The following SHH variants were observed in gnomAD, a reference collection of about 807,000 sequenced individuals.
SHH encodes sonic hedgehog signaling molecule.
SHH carries 3 observed loss-of-function variants against 16.6 expected under a neutral mutation model. That is an observed-to-expected ratio of 0.18 (90% CI 0.08 to 0.47). The LOEUF (loss-of-function observed/expected upper bound fraction) is 0.47, where lower values mean the gene tolerates loss of function less well. SHH is among the 20% of genes least tolerant of loss of function. The pLI is 0.98. For synonymous variants in SHH, 351 were observed against 316.2 expected (o/e 1.11, Z -1.17); for missense variants, 499 against 665.0 (o/e 0.75, Z 2.75).
chr7:155,808,682 C>G (rs938711680), intron 1 of SHH, among the ~76,000 whole-genome samples: 3 of 152,200 alleles, frequency 2.0e-5, no homozygotes, highest in Non-Finnish European at 2.9e-5. Flanking sequence ...AAGCCCAGGC[C>G]GGTTATTAAT....
chr7:155,800,848 C>A lies in SHH; in HGVS notation c.*2052G>T, dbSNP rs1330358424. ...GCCCAACCTCGGGAGCCAGCCCCTGCCAGGTGGGGCTGAAGTCTGTTCACT... is the reference window on the plus strand; with the variant it reads ...GCCCAACCTCGGGAGCCAGCCCCTGACAGGTGGGGCTGAAGTCTGTTCACT... On this transcript the variant is annotated 3_prime_UTR_variant, in exon 3 of 3. Transcript: ENST00000297261. The A allele has an allele frequency of 2.6e-5, 9 of 346,484 alleles. No homozygotes were observed. Among genetic ancestry groups the A allele is most frequent in the Non-Finnish European group, 5.2e-5 (9 of 174,624 alleles). 21.5% of individuals were successfully genotyped at this position (346,484 alleles called of 1,614,324 possible).
Position 155,812,193 on chromosome 7 carries a change from T to TGTGCGTGTGC in SHH, c.-81_-72dup. On this transcript the variant is annotated 5_prime_UTR_variant, in exon 1 of 3. Transcript: ENST00000297261. ...CGTGCGCGAGTGCGCGCGGCGGGTG[T>TGTGCGTGTGC]GTGCGTGTGCGCTCTCTCTTGCGCT... 1 of 1,424,494 alleles carries TGTGCGTGTGC rather than the reference T, an allele frequency of 7.0e-7. No homozygotes were observed. Among genetic ancestry groups the TGTGCGTGTGC allele is most frequent in the Non-Finnish European group, 9.9e-7 (1 of 1,009,364 alleles). The allele number at this position is 1,424,494 out of a possible 1,614,324, so 88.2% of individuals were successfully genotyped here. A position where few individuals can be genotyped will look rare whatever the true frequency, so the allele number is the denominator to read the frequency against.
chr7:155,806,711 C>T, intron 1 of SHH, 154 bp from the exon 2 acceptor site: 2 of 911,222 alleles, frequency 2.2e-6, no homozygotes, highest in South Asian at 2.8e-5. Flanking sequence ...CCAGACACAC[C>T]GAAGAGCCGG....
chr7:155,811,892 G>A lies in SHH; in HGVS notation c.231C>T (p.Thr77=), dbSNP rs1363371921. The A allele has an allele frequency of 1.2e-6, 2 of 1,614,034 alleles. No homozygotes were observed. Among genetic ancestry groups the A allele is most frequent in the African/African-American group, 2.7e-5 (2 of 74,914 alleles). ...SRNSERFKEL[T]PNYNPDIIFK... Reference sequence around the variant, plus strand: ...ATATGATGTCGGGGTTGTAATTGGGGGTGAGTTCCTTAAATCGCTCGGAGT... The same window carrying A: ...ATATGATGTCGGGGTTGTAATTGGGAGTGAGTTCCTTAAATCGCTCGGAGT... Residue 77 remains threonine, a synonymous_variant, in exon 1 of 3, where the codon ACC becomes ACT. Transcript: ENST00000297261.
chr7:155,806,588 A>G, intron 1 of SHH, 31 bp from the exon 2 acceptor site: 1 of 1,610,320 alleles, frequency 6.2e-7, no homozygotes, highest in Non-Finnish European at 8.5e-7. Context: ...CCACCGACGG[A>G]CACGTTAGCC....
Position 155,812,372 on chromosome 7 carries a change from G to C in SHH, c.-250C>G. On this transcript the variant is annotated 5_prime_UTR_variant, in exon 1 of 3. The change creates a new upstream start codon in the 5' untranslated region. Coordinates refer to ENST00000297261, the MANE Select transcript of SHH (RefSeq NM_000193.4). ...CTGGAATGGCAGGCTGCCGGCCGCT[G>C]ATAACGGAACACATCGGAGTTGGGT... 1 of 583,904 alleles carries C rather than the reference G, an allele frequency of 1.7e-6. No homozygotes were observed. Among genetic ancestry groups the C allele is most frequent in the Non-Finnish European group, 3.1e-6 (1 of 325,494 alleles). 36.2% of individuals were successfully genotyped at this position (583,904 alleles called of 1,614,324 possible). A position where few individuals can be genotyped will look rare whatever the true frequency, so the allele number is the denominator to read the frequency against.
rs1469041426 is a variant in SHH, at chr7:155,803,264, G to A, written c.1025C>T (p.Ala342Val). ...GGCCGTGAGCGGCGCGTAGGCGCCC[G>A]CGGCCTCCTCGCTTAGGGTCACGCT... is the stretch of plus-strand genomic sequence containing the variant. ...VHSVTLSEEA[A>V]GAYAPLTAQG... Residue 342 changes from alanine to valine, a missense_variant, in exon 3 of 3, where the codon GCG becomes GTG. Around this residue, in one of 4 missense-constraint regions of SHH, gnomAD observed 299 missense variants for 301.1 expected, o/e 0.99. Coordinates refer to ENST00000297261, the MANE Select transcript of SHH (RefSeq NM_000193.4). 6.6e-7 allele frequency: 1 copy of A among 1,510,526 alleles called. No individual in the cohort carries two copies. The highest frequency in any genetic ancestry group is 2.1e-5 in the Admixed American group (1 of 47,482). 93.6% of individuals were successfully genotyped at this position (1,510,526 alleles called of 1,614,324 possible).
Position 155,812,230 on chromosome 7 carries a change from G to A in SHH, c.-108C>T. 1 of 1,061,214 alleles carries A rather than the reference G, an allele frequency of 9.4e-7. No homozygotes were observed. The highest frequency in any genetic ancestry group is 2.5e-5 in the East Asian group (1 of 40,776). The allele number at this position is 1,061,214 out of a possible 1,614,324, so 65.7% of individuals were successfully genotyped here. On this transcript the variant is annotated 5_prime_UTR_variant, in exon 1 of 3. Coordinates refer to ENST00000297261, the MANE Select transcript of SHH (RefSeq NM_000193.4). ...CTCTCTCTTGCGCTTTCCCTTCCTC[G>A]CTCCGGCTCGCCCGCTCGCTCTCTC...
Position 155,812,199 on chromosome 7 carries a change from T to A in SHH, c.-77A>T. 1 of 1,393,206 alleles carries A rather than the reference T, an allele frequency of 7.2e-7. No homozygotes were observed. The highest frequency in any genetic ancestry group is 1.0e-6 in the Non-Finnish European group (1 of 981,100). 86.3% of individuals were successfully genotyped at this position (1,393,206 alleles called of 1,614,324 possible). Reference sequence around the variant, plus strand: ...CGAGTGCGCGCGGCGGGTGTGTGCGTGTGCGCTCTCTCTTGCGCTTTCCCT... The same window carrying A: ...CGAGTGCGCGCGGCGGGTGTGTGCGAGTGCGCTCTCTCTTGCGCTTTCCCT... On this transcript the variant is annotated 5_prime_UTR_variant, in exon 1 of 3. Coordinates refer to ENST00000297261, the MANE Select transcript of SHH (RefSeq NM_000193.4).
Position 155,803,549 on chromosome 7 carries a change from C to T in SHH, c.740G>A (p.Gly247Asp). ...DFLTFLDRDDGAKKVFYVIET... is the reference protein window; with the variant it reads ...DFLTFLDRDDDAKKVFYVIET... Reference sequence around the variant, plus strand: ...GATCACGTAGAAGACCTTCTTGGCGCCGTCGTCGCGGTCCAGGAAAGTGAG... The same window carrying T: ...GATCACGTAGAAGACCTTCTTGGCGTCGTCGTCGCGGTCCAGGAAAGTGAG... The change falls in exon 3 of 3, where the codon GGC (glycine) becomes GAC (aspartate). Residue 247 changes from glycine (G) to aspartate (D), a missense_variant. Physicochemically the swap from Gly to Asp is moderately conservative, Grantham distance 94 (BLOSUM62 -1). This residue lies in a region of SHH where 114 missense variants were observed against 200.4 expected (regional missense o/e 0.57). Coordinates refer to ENST00000297261, the MANE Select transcript of SHH (RefSeq NM_000193.4). 2 of 1,596,382 alleles carry T rather than the reference C, an allele frequency of 1.3e-6. No homozygotes were observed. Among genetic ancestry groups the T allele is most frequent in the Non-Finnish European group, 1.7e-6 (2 of 1,178,010 alleles).
chr7:155,806,761 C>T (rs962716308), intron 1 of SHH: 10 of 702,156 alleles, frequency 1.4e-5, no homozygotes, highest in Non-Finnish European at 2.6e-5. Context: ...TGCGGAGGAG[C>T]GTGGAGGAGC....
Position 155,805,972 on chromosome 7 carries a change from T to C in SHH, c.562+324A>G, listed in dbSNP as rs9333625. Among the ~76,000 whole-genome samples, 36,417 of 152,118 alleles carry C rather than the reference T, an allele frequency of 0.24. 5,110 individuals carry two copies. The highest frequency in any genetic ancestry group is 0.38 in the African/African-American group (15,668 of 41,490). ...AGACCTGGCTAACCGCGCAGGGCTG[T>C]CTTCCCTCGCCTGGAAGGGCCTAGC... On this transcript the variant is annotated intron_variant, in intron 2 of 2. Transcript: ENST00000297261.
rs1727255764 is a variant in SHH at position 155,812,236 on chromosome 7, G to T, written c.-114C>A. ...CTTGCGCTTTCCCTTCCTCGCTCCG[G>T]CTCGCCCGCTCGCTCTCTCCCTCGC... On this transcript the variant is annotated 5_prime_UTR_variant, in exon 1 of 3. Coordinates refer to ENST00000297261, the MANE Select transcript of SHH (RefSeq NM_000193.4). 4 of 971,208 alleles carry T rather than the reference G, an allele frequency of 4.1e-6. No homozygotes were observed. The highest frequency in any genetic ancestry group is 1.9e-5 in the Admixed American group (1 of 52,416). The allele number at this position is 971,208 out of a possible 1,614,324, so 60.2% of individuals were successfully genotyped here. A position where few individuals can be genotyped will look rare whatever the true frequency, so the allele number is the denominator to read the frequency against.
intron 1 of SHH, among the ~76,000 whole-genome samples, chr7:155,810,818 T>A (rs1803507405): frequency 6.6e-6 from 1 of 152,222 alleles, no homozygotes; most frequent in Admixed American, 6.5e-5. Flanking sequence ...ACTTGAATAT[T>A]TTAATAGGGC....
chr7:155,811,524 G>A (rs150994677), intron 1 of SHH, among the ~76,000 whole-genome samples: 58 of 152,296 alleles, frequency 3.8e-4, no homozygotes, highest in African/African-American at 1.3e-3. Context: ...TACAAGCCAG[G>A]GCAGAGGTAG....
rs974781921 is a variant in SHH at position 155,810,170 on chromosome 7, C to T, written c.300+1653G>A. On this transcript the variant is annotated intron_variant, in intron 1 of 2. Transcript: ENST00000297261. ...GGCTGCAGGCGTCTGCCTCGCTGCG[C>T]GGCTCTGTGCGCTTGCAGCTTTGCA... 2.0e-5 allele frequency among the ~76,000 whole-genome samples: 3 copies of T among 152,240 alleles called. No homozygotes were observed. In the South Asian group the frequency reaches 6.2e-4, roughly 32 times the overall value.
At position 155,800,027 on chromosome 7, in the gene SHH, A is replaced by G. The variant is rs1286984140; in HGVS notation, c.*2873T>C. On this transcript the variant is annotated 3_prime_UTR_variant, in exon 3 of 3. Transcript: ENST00000297261. ...ATTATTCAAACAATAGAGCACAAAGATAACAGTTTCAAGTACATTGTGATA... is the reference window on the plus strand; with the variant it reads ...ATTATTCAAACAATAGAGCACAAAGGTAACAGTTTCAAGTACATTGTGATA... 3 of 471,276 alleles carry G rather than the reference A, an allele frequency of 6.4e-6. No individual in the cohort carries two copies. The highest frequency in any genetic ancestry group is 8.8e-6 in the Non-Finnish European group (2 of 227,058). The allele number at this position is 471,276 out of a possible 1,614,324, so 29.2% of individuals were successfully genotyped here.
Position 155,812,024 on chromosome 7 carries a change from C to G in SHH, c.99G>C (p.Arg33Ser), listed in dbSNP as rs761113320. Residue 33 changes from arginine (R) to serine (S), a missense_variant, in exon 1 of 3, where the codon AGG (arginine) becomes AGC (serine). Arg to Ser is a moderately radical substitution (Grantham distance 110). Around this residue, in one of 4 missense-constraint regions of SHH, gnomAD observed 75 missense variants for 115.0 expected, o/e 0.65. Coordinates refer to ENST00000297261, the MANE Select transcript of SHH (RefSeq NM_000193.4). ...ACGPGRGFGK[R>S]RHPKKLTPLA... ...AAGGGGTCAGCTTTTTGGGGTGCCTCCTCTTCCCGAACCCCCTGCCCGGTC... is the reference window on the plus strand; with the variant it reads ...AAGGGGTCAGCTTTTTGGGGTGCCTGCTCTTCCCGAACCCCCTGCCCGGTC... 6.2e-7 allele frequency: 1 copy of G among 1,614,046 alleles called. No individual in the cohort carries two copies. The highest frequency in any genetic ancestry group is 1.3e-5 in the African/African-American group (1 of 74,934).
intron 1 of SHH, 66 bp downstream of exon 1, chr7:155,811,756 GA>G (rs1379862318): frequency 6.8e-7 from 1 of 1,478,710 alleles, no homozygotes; most frequent in East Asian, 2.3e-5. Context: ...GTTAAGTCTG[GA>G]AGTGTTCGGC....
Sources: allele counts gnomAD v4.1 joint callset (sites outside exome capture counted in the v4.1 genomes callset), GRCh38; gene constraint gnomAD v4.1.1; regional missense constraint gnomAD v4.1.1; transcripts MANE v1.5; gene names NCBI Gene and HGNC (gene_info 2026-07-23, HGNC 2026-07-21).